The following ADGRL3 variants were observed in gnomAD, a reference collection of about 807,000 sequenced individuals.
The protein encoded by ADGRL3 is adhesion G protein-coupled receptor L3.
In ADGRL3, 62 loss-of-function variants were observed where a neutral mutation model predicts 153.5. The observed-to-expected ratio is 0.40, with a 90% confidence interval of 0.33 to 0.50. ADGRL3 has a LOEUF of 0.50. Among genes scored for constraint, ADGRL3 ranks in the 20% least tolerant of loss-of-function variants. The pLI, the probability that ADGRL3 is intolerant of heterozygous loss-of-function variation, is 0.47. For missense variants in ADGRL3, 1,641 were observed against 1,859.4 expected, an observed-to-expected ratio of 0.88 and a Z score of 2.16; for synonymous variants, 710 against 672.5, an observed-to-expected ratio of 1.06 and a Z score of -0.86.
intron 24 of ADGRL3, among the ~76,000 whole-genome samples, chr4:62,041,862 A>T (rs10007926): frequency 0.026 from 3,963 of 151,826 alleles, 181 homozygotes; most frequent in African/African-American, 0.092. Flanking sequence ...CTTAAACTAT[A>T]TTTGGTATAG....
intron 3 of ADGRL3, among the ~76,000 whole-genome samples, chr4:61,506,386 G>A (rs1004673272): frequency 6.6e-6 from 1 of 152,004 alleles, no homozygotes; most frequent in Admixed American, 6.6e-5. Flanking sequence ...TTCAAAGACT[G>A]CATTGTATAT....
intron 9 of ADGRL3, among the ~76,000 whole-genome samples, chr4:61,891,170 A>T (rs947751673): frequency 6.6e-6 from 1 of 151,776 alleles, no homozygotes; most frequent in African/African-American, 2.4e-5. Context: ...ACAAATGTTG[A>T]TGATGGGGAG....
chr4:61,811,596 A>G (rs1302349011), intron 8 of ADGRL3, among the ~76,000 whole-genome samples: 1 of 152,136 alleles, frequency 6.6e-6, no homozygotes, highest in Non-Finnish European at 1.5e-5. Flanking sequence ...ATTAAAAACT[A>G]TTGAATTGTT....
chr4:61,775,720 T>A, intron 8 of ADGRL3: 4 of 1,164,576 alleles, frequency 3.4e-6, no homozygotes, highest in Non-Finnish European at 5.1e-6. Context: ...GGCTTGGTGC[T>A]TGTCTAAGCC....
At chr4:61,783,902 C>A (rs1446165079) in intron 8 of ADGRL3, among the ~76,000 whole-genome samples, 1 of 151,986 alleles carries the variant, frequency 6.6e-6, no homozygotes. Flanking sequence ...ATGTGGACTA[C>A]ATTAGATTAG....
At chr4:61,572,769 G>A (rs1200803075) in intron 4 of ADGRL3, among the ~76,000 whole-genome samples, 2 of 151,876 alleles carry the variant, frequency 1.3e-5, no homozygotes, top group Non-Finnish European at 2.9e-5. Flanking sequence ...AAATAGTAGT[G>A]TGTTAATTTG....
At chr4:61,313,401 A>G (rs1319621460) in intron 1 of ADGRL3, among the ~76,000 whole-genome samples, 1 of 152,196 alleles carries the variant, frequency 6.6e-6, no homozygotes, top group Non-Finnish European at 1.5e-5. Flanking sequence ...TTAGTTAACA[A>G]TGTATTGCTA....
At chr4:61,518,891 A>G (rs2098513884) in intron 4 of ADGRL3, among the ~76,000 whole-genome samples, 1 of 152,122 alleles carries the variant, frequency 6.6e-6, no homozygotes, top group African/African-American at 2.4e-5. Flanking sequence ...TCAAACTTGA[A>G]GTTTTCTAAA....
intron 2 of ADGRL3, chr4:61,420,151 G>A (rs1272805419): frequency 6.6e-6 from 1 of 151,708 alleles, no homozygotes; most frequent in Non-Finnish European, 1.5e-5. Flanking sequence ...AATCTGATTG[G>A]GCATGACAAC....
chr4:62,068,234 C>G (rs372457863), intron 26 of ADGRL3, 51 bp downstream of exon 26: 64 of 1,537,912 alleles, frequency 4.2e-5, no homozygotes, highest in Non-Finnish European at 5.1e-5. Flanking sequence ...TTTTTTAGTT[C>G]ACTTTTATTG....
intron 6 of ADGRL3, among the ~76,000 whole-genome samples, chr4:61,686,242 CAAG>C (rs1468431069): frequency 2.6e-5 from 4 of 151,958 alleles, no homozygotes; most frequent in African/African-American, 7.2e-5. Flanking sequence ...ATACCGCATA[CAAG>C]AAGAATAGTA....
chr4:61,381,383 C>T (rs952420474), intron 1 of ADGRL3, among the ~76,000 whole-genome samples: 16 of 150,002 alleles, frequency 1.1e-4, no homozygotes, highest in Non-Finnish European at 1.9e-4. Flanking sequence ...CATTTCATGG[C>T]GCGGTTAGGT....
intron 9 of ADGRL3, among the ~76,000 whole-genome samples, chr4:61,873,561 C>G (rs1330527992): frequency 6.6e-6 from 1 of 152,124 alleles, no homozygotes; most frequent in Non-Finnish European, 1.5e-5. Context: ...TTTCTGAAAG[C>G]CATCCAGTTT....
chr4:61,301,763 T>A (rs2094585857), intron 1 of ADGRL3, among the ~76,000 whole-genome samples: 1 of 152,112 alleles, frequency 6.6e-6, no homozygotes, highest in Admixed American at 6.5e-5. Context: ...AGAACAAATT[T>A]CAATTTGTCC....
rs543176975 is a variant in ADGRL3 at position 61,578,650 on chromosome 4, C to T, written c.260-8577C>T. ...TGTTCCTACCTCCCTTGTAAATGCA[C>T]ATTTCATTGCTCAGATTTTTTGCCT... On this transcript the variant is annotated intron_variant, in intron 4 of 26. Coordinates refer to ENST00000683033, the MANE Select transcript of ADGRL3 (RefSeq NM_001387552.1). Among the ~76,000 whole-genome samples the T allele has an allele frequency of 1.1e-4, 16 of 152,162 alleles. No individual in the cohort carries two copies. The East Asian group carries it at 2.7e-3, about 26-fold the overall frequency.
intron 21 of ADGRL3, among the ~76,000 whole-genome samples, chr4:61,998,604 T>A (rs898536161): frequency 1.3e-5 from 2 of 151,662 alleles, no homozygotes; most frequent in Non-Finnish European, 1.5e-5. Context: ...AGATGGAGTT[T>A]CGTTCTTGTT....
chr4:61,875,646 TAAGC>T (rs2098470620), intron 9 of ADGRL3, among the ~76,000 whole-genome samples: 2 of 152,258 alleles, frequency 1.3e-5, no homozygotes, highest in Admixed American at 1.3e-4. Flanking sequence ...GATTCACTGT[TAAGC>T]AAGGTGATAC....
chr4:61,583,184 A>G (rs2098933031), intron 4 of ADGRL3, among the ~76,000 whole-genome samples: 1 of 152,100 alleles, frequency 6.6e-6, no homozygotes, highest in Non-Finnish European at 1.5e-5. Flanking sequence ...GAAAGCCCCT[A>G]GTTAATAGCC....
intron 5 of ADGRL3, among the ~76,000 whole-genome samples, chr4:61,596,965 A>G (rs1253824299): frequency 6.6e-6 from 1 of 152,146 alleles, no homozygotes; most frequent in Non-Finnish European, 1.5e-5. Flanking sequence ...TCGCTTGTGT[A>G]GAAAAAGATA....
Sources: gnomAD v4.1 joint callset for allele counts (sites outside exome capture counted in the v4.1 genomes callset) on GRCh38, gnomAD v4.1.1 for gene constraint, MANE v1.5 for transcripts, NCBI Gene and HGNC (gene_info 2026-07-23, HGNC 2026-07-21) for gene names.